Variants in ZNF704 observed in about 807,000 individuals in gnomAD.
ZNF704 encodes zinc finger protein 704, also known as glucocorticoid induced gene 1.
In ZNF704, 10 loss-of-function variants were observed where a neutral mutation model predicts 44.7. The observed-to-expected ratio is 0.22, with a 90% CI of 0.14 to 0.38. The LOEUF is 0.38. ZNF704 is among the 10% of genes least tolerant of loss of function. The pLI is 1.00. For missense variants in ZNF704, 390 were observed against 545.5 expected (o/e 0.71, Z 2.84); for synonymous variants, 211 against 207.6 (o/e 1.02, Z -0.14).
At chr8:80,770,147 C>T (rs1807296190) in intron 2 of ZNF704, among the ~76,000 whole-genome samples, 1 of 152,210 alleles carries the variant, frequency 6.6e-6, no homozygotes, top group South Asian at 2.1e-4. Context: ...CCTCCCACAA[C>T]ACGTGGGAAT....
intron 2 of ZNF704, among the ~76,000 whole-genome samples, chr8:80,756,004 G>C (rs1807028330): frequency 6.6e-6 from 1 of 152,036 alleles, no homozygotes; most frequent in Non-Finnish European, 1.5e-5. Flanking sequence ...AGCTACGTGG[G>C]AGGCTGAGAA....
Position 80,691,383 on chromosome 8 carries a change from C to A in ZNF704, c.325+1621G>T, listed in dbSNP as rs1818632751. 2.0e-5 allele frequency among the ~76,000 whole-genome samples: 3 copies of A among 152,212 alleles called. 1 individual carries two copies. The South Asian group carries it at 6.2e-4, about 32-fold the overall frequency. ...GTGCTCTTGACAAAGCCACCAGTGA[C>A]CACCTTCTTGATGGAAAACTCAGTC... On this transcript the variant is annotated intron_variant, in intron 3 of 8. Transcript: ENST00000327835.
intron 2 of ZNF704, among the ~76,000 whole-genome samples, chr8:80,751,275 C>T (rs527299616): frequency 6.6e-6 from 1 of 152,184 alleles, no homozygotes; most frequent in African/African-American, 2.4e-5. Context: ...TGGTTCTTTC[C>T]TGGTGTTTGT....
intron 2 of ZNF704, among the ~76,000 whole-genome samples, chr8:80,760,521 T>A (rs1251050138): frequency 6.6e-6 from 1 of 151,846 alleles, no homozygotes; most frequent in African/African-American, 2.4e-5. Context: ...CTGGGTGTGG[T>A]GGCATACGCC....
chr8:80,761,536 T>C (rs181400433), intron 2 of ZNF704, among the ~76,000 whole-genome samples: 1 of 152,178 alleles, frequency 6.6e-6, no homozygotes, highest in East Asian at 1.9e-4. Context: ...GAAATCACAA[T>C]CCTGAGAGAT....
At chr8:80,709,486 T>C (rs1008612878) in intron 2 of ZNF704, among the ~76,000 whole-genome samples, 5 of 136,604 alleles carry the variant, frequency 3.7e-5, no homozygotes, top group African/African-American at 8.2e-5. Context: ...AGTAATGGCA[T>C]GTCAGTTTGA....
At chr8:80,843,945 A>ATG (rs1183461979) in intron 1 of ZNF704, among the ~76,000 whole-genome samples, 1 of 147,414 alleles carries the variant, frequency 6.8e-6, no homozygotes, top group Non-Finnish European at 1.5e-5. Flanking sequence ...ATATATGTGT[A>ATG]TGTATATATA....
intron 2 of ZNF704, among the ~76,000 whole-genome samples, chr8:80,715,843 G>C (rs1488121949): frequency 6.6e-6 from 1 of 152,152 alleles, no homozygotes; most frequent in African/African-American, 2.4e-5. Context: ...ACTTTGGAAG[G>C]CCGAGGCAGG....
chr8:80,664,848 G>T lies in ZNF704; in HGVS notation c.894C>A (p.Thr298=), dbSNP rs774889537. 1 of 1,614,216 alleles carries T rather than the reference G, an allele frequency of 6.2e-7. No individual in the cohort carries two copies. The highest frequency in any genetic ancestry group is 2.2e-5 in the East Asian group (1 of 44,878). Residue 298 remains threonine, a synonymous_variant, in exon 6 of 9, where the codon ACC becomes ACA. Coordinates refer to ENST00000327835, the MANE Select transcript of ZNF704 (RefSeq NM_001033723.3). ...CATGGTCAGTGTGCACGAGGTAGAGGGTGGTGGGAGCTGAGCGGCTCAACG... is the reference window on the plus strand; with the variant it reads ...CATGGTCAGTGTGCACGAGGTAGAGTGTGGTGGGAGCTGAGCGGCTCAACG... ...MTPLSRSAPT[T]LYLVHTDHAY...
intron 1 of ZNF704, among the ~76,000 whole-genome samples, chr8:80,825,960 A>C (rs28876817): frequency 6.6e-6 from 1 of 152,018 alleles, no homozygotes; most frequent in Non-Finnish European, 1.5e-5. Flanking sequence ...ACTAAATGCC[A>C]ACAAGAGAAA....
chr8:80,710,157 A>T (rs1818962128), intron 2 of ZNF704, among the ~76,000 whole-genome samples: 1 of 152,170 alleles, frequency 6.6e-6, no homozygotes, highest in Non-Finnish European at 1.5e-5. Context: ...CCTATCTTCC[A>T]GAACTGTTTG....
intron 2 of ZNF704, among the ~76,000 whole-genome samples, chr8:80,744,784 T>A (rs1806818084): frequency 6.6e-6 from 1 of 152,166 alleles, no homozygotes; most frequent in Non-Finnish European, 1.5e-5. Flanking sequence ...ACACATGAAC[T>A]AACCAATATT....
intron 1 of ZNF704, among the ~76,000 whole-genome samples, chr8:80,871,938 C>T (rs1388834062): frequency 3.3e-5 from 5 of 152,142 alleles, no homozygotes; most frequent in African/African-American, 1.2e-4. Context: ...ATGTGAAAAA[C>T]CTTTACTGAT....
rs1026701144 is a variant in ZNF704 at position 80,639,931 on chromosome 8, T to C, written c.*1435A>G. 2.0e-5 allele frequency: 3 copies of C among 152,590 alleles called. No individual in the cohort carries two copies. The highest frequency in any genetic ancestry group is 6.5e-5 in the Admixed American group (1 of 15,280). The allele number at this position is 152,590 out of a possible 1,614,324, so 9.5% of individuals were successfully genotyped here. On this transcript the variant is annotated 3_prime_UTR_variant, in exon 9 of 9. Transcript: ENST00000327835. ...GAGAAATAACTCTTTAGCAGGGCAATTGAGAGTCGGGTAGATAGAGAATGA... is the reference window on the plus strand; with the variant it reads ...GAGAAATAACTCTTTAGCAGGGCAACTGAGAGTCGGGTAGATAGAGAATGA...
At chr8:80,764,789 C>T (rs531806027) in intron 2 of ZNF704, among the ~76,000 whole-genome samples, 7 of 152,288 alleles carry the variant, frequency 4.6e-5, no homozygotes, top group South Asian at 2.1e-4. Context: ...AAGAGAGCCT[C>T]GTACGCTTAT....
chr8:80,705,775 T>A (rs1818886996), intron 2 of ZNF704, among the ~76,000 whole-genome samples: 1 of 152,184 alleles, frequency 6.6e-6, no homozygotes, highest in African/African-American at 2.4e-5. Context: ...TCTAGCTCTC[T>A]GGGATGGCAA....
chr8:80,780,208 AAGAG>A (rs1412272230), intron 2 of ZNF704, among the ~76,000 whole-genome samples: 1 of 152,118 alleles, frequency 6.6e-6, no homozygotes, highest in African/African-American at 2.4e-5. Context: ...GGGAAGAAGA[AAGAG>A]AAAGAAATGG....
intron 2 of ZNF704, among the ~76,000 whole-genome samples, chr8:80,795,535 T>C (rs1351373130): frequency 6.6e-6 from 1 of 151,874 alleles, no homozygotes; most frequent in East Asian, 1.9e-4. Context: ...GCTTTTACAT[T>C]ATGTTAAGTT....
intron 2 of ZNF704, among the ~76,000 whole-genome samples, chr8:80,719,020 A>G (rs942275669): frequency 4.0e-5 from 6 of 151,846 alleles, no homozygotes; most frequent in Non-Finnish European, 7.4e-5. Context: ...GCTGGAGTGC[A>G]GTGGCATGAT....
Sources: allele counts gnomAD v4.1 joint callset (sites outside exome capture counted in the v4.1 genomes callset), GRCh38; gene constraint gnomAD v4.1.1; transcripts MANE v1.5; gene names NCBI Gene and HGNC (gene_info 2026-07-23, HGNC 2026-07-21).